PDE4D: variants seen among roughly 807,000 people sequenced by gnomAD.
The protein encoded by PDE4D is phosphodiesterase 4D.
PDE4D carries 24 observed loss-of-function variants against 87.4 expected under a neutral mutation model. That is an observed-to-expected ratio of 0.27 (90% CI 0.20 to 0.39). PDE4D has a LOEUF of 0.39. Among genes scored for constraint, PDE4D ranks in the 10% least tolerant of loss-of-function variants. PDE4D has a pLI of 1.00. For missense variants in PDE4D, 714 were observed against 1,041.0 expected, an observed-to-expected ratio of 0.69 and a Z score of 4.32; for synonymous variants, 384 against 383.2, an observed-to-expected ratio of 1.00 and a Z score of -0.02.
At chr5:59,882,366 T>TA (rs1188197801) in intron 1 of PDE4D, among the ~76,000 whole-genome samples, 2 of 152,092 alleles carry the variant, frequency 1.3e-5, no homozygotes, top group African/African-American at 2.4e-5. Flanking sequence ...GGTAGTAAAA[T>TA]AAAAATGTGT....
intron 2 of PDE4D, among the ~76,000 whole-genome samples, chr5:60,168,968 C>T (rs1783170763): frequency 6.6e-6 from 1 of 152,098 alleles, no homozygotes; most frequent in South Asian, 2.1e-4. Flanking sequence ...TCTCAGTATA[C>T]CACTAGAGCT....
At chr5:59,406,393 C>CT (rs1290963265) in intron 1 of PDE4D, among the ~76,000 whole-genome samples, 1 of 30,492 alleles carries the variant, frequency 3.3e-5, no homozygotes, top group African/African-American at 2.2e-4. Flanking sequence ...CTTATCTTTC[C>CT]TTCCCCCCCC....
At chr5:59,896,436 G>C (rs1023731089), upstream of PDE4D, among the ~76,000 whole-genome samples, 9 of 152,038 alleles carry the variant, frequency 5.9e-5, no homozygotes, top group Non-Finnish European at 1.0e-4. Flanking sequence ...GAATCACCAG[G>C]AGAGCTAATC....
chr5:60,050,817 C>T (rs1050760166), intron 2 of PDE4D, among the ~76,000 whole-genome samples: 1 of 152,044 alleles, frequency 6.6e-6, no homozygotes, highest in Non-Finnish European at 1.5e-5. Flanking sequence ...CACACATAGG[C>T]TCAAAACAAA....
At chr5:59,967,115 C>T (rs956342312) in intron 3 of PDE4D, among the ~76,000 whole-genome samples, 9 of 152,094 alleles carry the variant, frequency 5.9e-5, no homozygotes, top group African/African-American at 1.9e-4. Flanking sequence ...TTTCATACCA[C>T]GTAAGGGTTA....
At chr5:59,923,056 G>T (rs369343247) in intron 3 of PDE4D, among the ~76,000 whole-genome samples, 50 of 152,228 alleles carry the variant, frequency 3.3e-4, no homozygotes, top group African/African-American at 1.2e-3. Context: ...AGTAAACACT[G>T]GCAGTAGCCA....
At chr5:59,792,111 G>A (rs1216799118) in intron 1 of PDE4D, among the ~76,000 whole-genome samples, 4 of 152,180 alleles carry the variant, frequency 2.6e-5, no homozygotes, top group Admixed American at 6.5e-5. Flanking sequence ...TATGGGCTCA[G>A]AGAAGAGATA....
At chr5:59,007,441 A>T (rs376468092) in intron 6 of PDE4D, among the ~76,000 whole-genome samples, 2 of 149,776 alleles carry the variant, frequency 1.3e-5, no homozygotes, top group African/African-American at 4.8e-5. Context: ...GCCACAGAAA[A>T]CTAGTGTTTC....
intron 1 of PDE4D, among the ~76,000 whole-genome samples, chr5:59,462,204 T>C (rs1050077985): frequency 5.3e-5 from 8 of 152,082 alleles, no homozygotes; most frequent in Non-Finnish European, 1.2e-4. Flanking sequence ...TTAGCCTAAA[T>C]TATCTCCATT....
chr5:60,272,468 C>G (rs139450903), intron 1 of PDE4D, among the ~76,000 whole-genome samples: 2 of 152,162 alleles, frequency 1.3e-5, no homozygotes, highest in East Asian at 1.9e-4. Context: ...ACAGCTCCCT[C>G]GAAGAAGAGA....
chr5:59,447,858 A>G (rs1798573536), intron 1 of PDE4D, among the ~76,000 whole-genome samples: 1 of 152,204 alleles, frequency 6.6e-6, no homozygotes, highest in Non-Finnish European at 1.5e-5. Context: ...CAGAAGTTTT[A>G]AAAAATCACT....
intron 1 of PDE4D, among the ~76,000 whole-genome samples, chr5:60,509,290 C>T (rs867931454): frequency 6.6e-6 from 1 of 152,180 alleles, no homozygotes; most frequent in Non-Finnish European, 1.5e-5. Flanking sequence ...AAAGGACCCT[C>T]GCTTACAGCA....
At chr5:59,175,515 T>C (rs1277697982) in intron 5 of PDE4D, among the ~76,000 whole-genome samples, 1 of 137,238 alleles carries the variant, frequency 7.3e-6, no homozygotes, top group Non-Finnish European at 1.5e-5. Flanking sequence ...GGTGTCTCAC[T>C]CTGTCACCCA....
intron 3 of PDE4D, among the ~76,000 whole-genome samples, chr5:59,931,694 C>CTTTTTTTTT (rs35943138): frequency 1.1e-4 from 14 of 126,594 alleles, no homozygotes; most frequent in South Asian, 2.5e-4. Context: ...TCTTCTTCTT[C>CTTTTTTTTT]TTTTTTTTTT....
intron 2 of PDE4D, among the ~76,000 whole-genome samples, chr5:60,141,761 CT>C (rs1290598118): frequency 6.6e-6 from 1 of 152,142 alleles, no homozygotes; most frequent in Non-Finnish European, 1.5e-5. Flanking sequence ...TGGAGATAAT[CT>C]AACCAATCCT....
intron 1 of PDE4D, among the ~76,000 whole-genome samples, chr5:59,370,974 C>T (rs1783838090): frequency 6.6e-6 from 1 of 152,220 alleles, no homozygotes; most frequent in Non-Finnish European, 1.5e-5. Flanking sequence ...TTGTGGGCTA[C>T]ATGGCCCAGG....
At chr5:60,067,711 A>G (rs1159183149) in intron 2 of PDE4D, among the ~76,000 whole-genome samples, 1 of 151,888 alleles carries the variant, frequency 6.6e-6, no homozygotes, top group Non-Finnish European at 1.5e-5. Flanking sequence ...GTAACTCCCC[A>G]TTTCTCTCTA....
intron 1 of PDE4D, chr5:59,275,357 T>C: frequency 3.1e-6 from 5 of 1,597,310 alleles, no homozygotes; most frequent in Non-Finnish European, 4.2e-6. Context: ...TCTGCAGTCC[T>C]TAGGGAACTT....
At chr5:60,387,453 A>C (rs1762265242) in intron 1 of PDE4D, among the ~76,000 whole-genome samples, 1 of 152,192 alleles carries the variant, frequency 6.6e-6, no homozygotes, top group Admixed American at 6.5e-5. Context: ...AACTGATACC[A>C]ATCTTTGCGT....
Sources: gnomAD v4.1 joint callset for allele counts (sites outside exome capture counted in the v4.1 genomes callset) on GRCh38, gnomAD v4.1.1 for gene constraint, MANE v1.5 for transcripts, NCBI Gene and HGNC (gene_info 2026-07-23, HGNC 2026-07-21) for gene names.